Variants in ZRANB3 observed in about 807,000 individuals in gnomAD.
ZRANB3 encodes the protein DNA annealing helicase and endonuclease ZRANB3.
ZRANB3 carries 125 observed loss-of-function variants against 133.8 expected under a neutral mutation model. That is an observed-to-expected ratio of 0.93 (90% CI 0.81 to 1.08). ZRANB3 has a LOEUF of 1.08. Among genes scored for constraint, ZRANB3 ranks in the 50% least tolerant of loss-of-function variants. The pLI is 0.00. For synonymous variants in ZRANB3, 387 were observed against 432.7 expected, an observed-to-expected ratio of 0.89 and a Z score of 1.31; for missense variants, 1,229 against 1,275.5, an observed-to-expected ratio of 0.96 and a Z score of 0.56.
chr2:135,362,691 G>A (rs962426858), intron 3 of ZRANB3, among the ~76,000 whole-genome samples: 1 of 152,068 alleles, frequency 6.6e-6, no homozygotes, highest in Non-Finnish European at 1.5e-5. Flanking sequence ...GTCTCTCTAT[G>A]TTACTCAGGC....
intron 2 of ZRANB3, among the ~76,000 whole-genome samples, chr2:135,452,350 A>AT (rs1559008676): frequency 1.3e-5 from 2 of 152,138 alleles, no homozygotes; most frequent in African/African-American, 4.8e-5. Context: ...CAGCCAAACC[A>AT]TATCATTCCC....
chr2:135,518,383 G>T (rs1693786741), intron 1 of ZRANB3, among the ~76,000 whole-genome samples: 1 of 152,182 alleles, frequency 6.6e-6, no homozygotes, highest in Non-Finnish European at 1.5e-5. Flanking sequence ...GGGCCCTGGT[G>T]GTGTAGGTAC....
chr2:135,437,616 G>A (rs945998040), intron 2 of ZRANB3, among the ~76,000 whole-genome samples: 2 of 152,124 alleles, frequency 1.3e-5, no homozygotes, highest in South Asian at 2.1e-4. Flanking sequence ...ATATACTTTA[G>A]TAAAAAGCTT....
chr2:135,350,069 C>A lies in ZRANB3; in HGVS notation c.506G>T (p.Arg169Leu), dbSNP rs746398124. The change falls in exon 5 of 21, where the codon CGC (arginine) becomes CTC (leucine). Residue 169 changes from arginine to leucine, a missense_variant. By Grantham distance (102) the Arg-to-Leu change is moderately radical. Coordinates refer to ENST00000264159, the MANE Select transcript of ZRANB3 (RefSeq NM_032143.4). ...TACTATTGGCAATAAAATCCTGCTG[C>A]GAGTTGCATTTCTGGATTTCATGTA... ...SHYMKSRNAT[R>L]SRILLPIVQK... The A allele has an allele frequency of 1.9e-6, 3 of 1,613,724 alleles. No individual in the cohort carries two copies. The highest frequency in any genetic ancestry group is 2.5e-6 in the Non-Finnish European group (3 of 1,179,850).
chr2:135,276,284 A>G (rs2105127201), intron 8 of ZRANB3, among the ~76,000 whole-genome samples: 1 of 151,474 alleles, frequency 6.6e-6, no homozygotes, highest in African/African-American at 2.4e-5. Context: ...CTTACAAATA[A>G]GCAGTTCAAG....
chr2:135,384,848 A>G (rs1190054078), intron 3 of ZRANB3, among the ~76,000 whole-genome samples: 1 of 152,196 alleles, frequency 6.6e-6, no homozygotes, highest in Non-Finnish European at 1.5e-5. Flanking sequence ...GTATCTCAAA[A>G]TAATAAGAGC....
chr2:135,518,808 T>C (rs962542403), intron 1 of ZRANB3, among the ~76,000 whole-genome samples: 3 of 152,168 alleles, frequency 2.0e-5, no homozygotes, highest in African/African-American at 7.2e-5. Context: ...TCAGCTGCTA[T>C]TCTATACGCT....
intron 2 of ZRANB3, among the ~76,000 whole-genome samples, chr2:135,439,852 T>A (rs1316987212): frequency 6.6e-6 from 1 of 152,216 alleles, no homozygotes; most frequent in Non-Finnish European, 1.5e-5. Context: ...AACCACTACA[T>A]AGGATGAAGA....
chr2:135,324,452 G>A (rs2104838148), intron 6 of ZRANB3, among the ~76,000 whole-genome samples: 1 of 152,270 alleles, frequency 6.6e-6, no homozygotes, highest in Middle Eastern at 3.4e-3. Context: ...TGGTGTACAT[G>A]TGCCACATTT....
chr2:135,423,071 T>C (rs1688926488), intron 2 of ZRANB3, among the ~76,000 whole-genome samples: 1 of 152,226 alleles, frequency 6.6e-6, no homozygotes, highest in African/African-American at 2.4e-5. Context: ...CCTTGGTTTG[T>C]AGGCACATCA....
intron 2 of ZRANB3, among the ~76,000 whole-genome samples, chr2:135,479,811 A>G (rs974250367): frequency 5.3e-5 from 8 of 152,188 alleles, no homozygotes; most frequent in Non-Finnish European, 2.9e-5. Flanking sequence ...AAATCAAATT[A>G]ATACTATTCA....
chr2:135,433,837 TA>T (rs34672992), intron 2 of ZRANB3, among the ~76,000 whole-genome samples: 40,409 of 149,746 alleles, frequency 0.27, 8,974 homozygotes, highest in African/African-American at 0.6. Flanking sequence ...TCTACTAAAA[TA>T]AAAAAAAAAT....
intron 8 of ZRANB3, among the ~76,000 whole-genome samples, chr2:135,277,217 T>C (rs988738620): frequency 6.6e-6 from 1 of 152,188 alleles, no homozygotes; most frequent in African/African-American, 2.4e-5. Flanking sequence ...CAGAATCATA[T>C]AAAGTGATTC....
intron 6 of ZRANB3, among the ~76,000 whole-genome samples, chr2:135,339,049 G>A (rs1275525979): frequency 6.6e-6 from 1 of 152,140 alleles, no homozygotes; most frequent in Non-Finnish European, 1.5e-5. Context: ...GCTGAAGTGG[G>A]AGGATCGCTG....
chr2:135,418,810 G>T (rs1688701191), intron 2 of ZRANB3, among the ~76,000 whole-genome samples: 1 of 151,842 alleles, frequency 6.6e-6, no homozygotes, highest in South Asian at 2.1e-4. Flanking sequence ...CTAGGAAGCA[G>T]TGGTTCCTCC....
chr2:135,488,777 C>T (rs192109393), intron 2 of ZRANB3, among the ~76,000 whole-genome samples: 5 of 151,478 alleles, frequency 3.3e-5, no homozygotes, highest in Non-Finnish European at 7.4e-5. Context: ...ATATGCAAAG[C>T]ACAATAAAGC....
At chr2:135,425,204 C>T (rs1689015232) in intron 2 of ZRANB3, among the ~76,000 whole-genome samples, 1 of 152,012 alleles carries the variant, frequency 6.6e-6, no homozygotes, top group South Asian at 2.1e-4. Flanking sequence ...AAATTCAACA[C>T]AAGAGTGGTG....
At chr2:135,336,139 T>A (rs962464157) in intron 6 of ZRANB3, among the ~76,000 whole-genome samples, 16 of 152,206 alleles carry the variant, frequency 1.1e-4, no homozygotes, top group Admixed American at 6.5e-4. Flanking sequence ...GGATAAGAGA[T>A]GTTCTGGTTG....
intron 1 of ZRANB3, among the ~76,000 whole-genome samples, chr2:135,520,124 C>T (rs1693870058): frequency 6.6e-6 from 1 of 150,748 alleles, no homozygotes; most frequent in Non-Finnish European, 1.5e-5. Flanking sequence ...TGGCTCATGC[C>T]TGTAATCCCA....
Sources: gnomAD v4.1 joint callset for allele counts (sites outside exome capture counted in the v4.1 genomes callset) on GRCh38, gnomAD v4.1.1 for gene constraint, MANE v1.5 for transcripts, NCBI Gene and HGNC (gene_info 2026-07-23, HGNC 2026-07-21) for gene names.